The following ZNF84 variants were observed in gnomAD, a reference collection of about 807,000 sequenced individuals.
ZNF84 encodes zinc finger protein HPF2.
Under a neutral mutation model 14.8 loss-of-function variants are expected in ZNF84, and 12 were observed. That is an observed-to-expected ratio of 0.81 (90% CI 0.52 to 1.31). The LOEUF (loss-of-function observed/expected upper bound fraction) is 1.31. Ranked by LOEUF, ZNF84 falls within the 50% of genes most tolerant of loss-of-function variation. The pLI, the probability that ZNF84 is intolerant of heterozygous loss-of-function variation, is 0.00. For synonymous variants in ZNF84, 347 were observed against 291.1 expected, an observed-to-expected ratio of 1.19 and a Z score of -1.96; for missense variants, 859 against 878.6, an observed-to-expected ratio of 0.98 and a Z score of 0.28.
intron 3 of ZNF84, 21 bp downstream of exon 3, chr12:133,048,102 G>A: frequency 6.2e-7 from 1 of 1,608,450 alleles, no homozygotes; most frequent in Non-Finnish European, 8.5e-7. Flanking sequence ...CTTTCTTGAG[G>A]ACCTTGGACT....
At position 133,063,099 on chromosome 12, in the gene ZNF84, C is replaced by T; in HGVS notation, c.*4167C>T. The T allele has an allele frequency of 1.4e-6, 1 of 702,306 alleles. No homozygotes were observed. Among genetic ancestry groups the T allele is most frequent in the Non-Finnish European group, 2.6e-6 (1 of 384,808 alleles). 43.5% of individuals were successfully genotyped at this position (702,306 alleles called of 1,614,324 possible). A position where few individuals can be genotyped will look rare whatever the true frequency, so the allele number is the denominator to read the frequency against. On this transcript the variant is annotated 3_prime_UTR_variant, in exon 5 of 5. Coordinates refer to ENST00000539354, the MANE Select transcript of ZNF84 (RefSeq NM_001289971.2). Reference sequence around the variant, plus strand: ...TGCAGTGAGTGGCTGTTTTCTGCCACATGGAGAAACATGGTCTGCAGTGAG... The same window carrying T: ...TGCAGTGAGTGGCTGTTTTCTGCCATATGGAGAAACATGGTCTGCAGTGAG...
chr12:133,041,081 T>C (rs1240959035), intron 1 of ZNF84, 197 bp from the exon 2 acceptor site: 2 of 227,150 alleles, frequency 8.8e-6, no homozygotes, highest in Non-Finnish European at 8.5e-6. Context: ...ATTTCTGATA[T>C]TTCCTTATCT....
At position 133,058,367 on chromosome 12, in the gene ZNF84, C is replaced by T; in HGVS notation, c.1652C>T (p.Ala551Val). ...KPYECSECGKAFGEKSSLATH... is the reference protein window; with the variant it reads ...KPYECSECGKVFGEKSSLATH... ...TATGAATGCAGTGAATGTGGGAAGG[C>T]CTTTGGTGAGAAGTCAAGTCTTGCA... is the stretch of plus-strand genomic sequence containing the variant. Residue 551 changes from alanine (A) to valine (V), a missense_variant, in exon 5 of 5, where the codon GCC (alanine) becomes GTC (valine). By Grantham distance (64) the Ala-to-Val change is moderately conservative. Coordinates refer to ENST00000539354, the MANE Select transcript of ZNF84 (RefSeq NM_001289971.2). 1 of 1,614,012 alleles carries T rather than the reference C, an allele frequency of 6.2e-7. No homozygotes were observed. Among genetic ancestry groups the T allele is most frequent in the Non-Finnish European group, 8.5e-7 (1 of 1,179,972 alleles).
At position 133,059,020 on chromosome 12, in the gene ZNF84, T is replaced by C; in HGVS notation, c.*88T>C. 2 of 1,266,764 alleles carry C rather than the reference T, an allele frequency of 1.6e-6. No homozygotes were observed. Among genetic ancestry groups the C allele is most frequent in the Non-Finnish European group, 2.2e-6 (2 of 919,302 alleles). 78.5% of individuals were successfully genotyped at this position (1,266,764 alleles called of 1,614,324 possible). Reference sequence around the variant, plus strand: ...ACGTTTGTAGACAGTCACGTCATGTTAGGTGTTTGTACTCCATGAGGATGA... The same window carrying C: ...ACGTTTGTAGACAGTCACGTCATGTCAGGTGTTTGTACTCCATGAGGATGA... On this transcript the variant is annotated 3_prime_UTR_variant, in exon 5 of 5. Transcript: ENST00000539354.
At chr12:133,056,757 C>T (rs1224671851) in intron 4 of ZNF84, among the ~76,000 whole-genome samples, 197 bp from the exon 5 acceptor site, 2 of 152,146 alleles carry the variant, frequency 1.3e-5, no homozygotes, top group South Asian at 2.1e-4. Context: ...ACTTAATCTC[C>T]AGTCAGTTTC....
Position 133,057,339 on chromosome 12 carries a change from A to G in ZNF84, c.624A>G (p.Glu208=), listed in dbSNP as rs1954177530. The change falls in exon 5 of 5, where the codon GAA becomes GAG. Residue 208 remains glutamate, a synonymous_variant. Transcript: ENST00000539354. ...HRNRLGEKLY[E]CSECRKRFSK... The stretch of plus-strand genomic sequence containing the variant: ...ATCGTTTAGGGGAGAAACTCTATGA[A>G]TGCAGTGAATGTAGGAAGCGCTTCA... 6 of 1,613,630 alleles carry G rather than the reference A, an allele frequency of 3.7e-6. No individual in the cohort carries two copies. The highest frequency in any genetic ancestry group is 5.1e-6 in the Non-Finnish European group (6 of 1,179,952).
intron 2 of ZNF84, among the ~76,000 whole-genome samples, chr12:133,043,382 C>T (rs997057103): frequency 7.9e-5 from 12 of 151,890 alleles, no homozygotes; most frequent in Admixed American, 6.6e-4. Context: ...CCAGGCTGGT[C>T]GCGAACTCCT....
Position 133,048,793 on chromosome 12 carries a change from G to T in ZNF84, c.183G>T (p.Glu61Asp). ...VMKPDVIFKL[E>D]QGEEPWVGDG... The stretch of plus-strand genomic sequence containing the variant: ...AACCAGATGTCATCTTCAAATTGGA[G>T]CAAGGAGAAGAGCCGTGGGTAGGAG... Residue 61 changes from glutamate to aspartate, a missense_variant, in exon 4 of 5, where the codon GAG (glutamate) becomes GAT (aspartate). Glu to Asp is a conservative substitution (Grantham distance 45). Coordinates refer to ENST00000539354, the MANE Select transcript of ZNF84 (RefSeq NM_001289971.2). The T allele has an allele frequency of 2.5e-6, 4 of 1,613,830 alleles. No homozygotes were observed. The highest frequency in any genetic ancestry group is 3.4e-6 in the Non-Finnish European group (4 of 1,179,884).
At position 133,059,991 on chromosome 12, in the gene ZNF84, A is replaced by T. The variant is rs1158527612; in HGVS notation, c.*1059A>T. On this transcript the variant is annotated 3_prime_UTR_variant, in exon 5 of 5. Coordinates refer to ENST00000539354, the MANE Select transcript of ZNF84 (RefSeq NM_001289971.2). ...TATGCAAAGGCAGGAACCACAGAAT[A>T]ACCATAGTAATATATAACTGAATGA... The T allele has an allele frequency of 2.0e-5, 3 of 152,246 alleles. No homozygotes were observed. Among genetic ancestry groups the T allele is most frequent in the Non-Finnish European group, 4.4e-5 (3 of 68,040 alleles). The allele number at this position is 152,246 out of a possible 1,614,324, so 9.4% of individuals were successfully genotyped here.
intron 1 of ZNF84, among the ~76,000 whole-genome samples, chr12:133,039,981 T>C (rs1197971395): frequency 1.3e-5 from 2 of 151,970 alleles, no homozygotes; most frequent in African/African-American, 4.8e-5. Context: ...GTAGCTGAGC[T>C]TACAGGTGCA....
intron 1 of ZNF84, among the ~76,000 whole-genome samples, chr12:133,038,182 G>A (rs1332404432): frequency 1.3e-5 from 2 of 151,864 alleles, no homozygotes; most frequent in Non-Finnish European, 2.9e-5. Context: ...GTATGAAATA[G>A]CTACGTTTAT....
At chr12:133,046,347 GTTTTTTTTTTTTTTTTTTTTTTTTT>G (rs58214468) in intron 2 of ZNF84, among the ~76,000 whole-genome samples, 2 of 116,408 alleles carry the variant, frequency 1.7e-5, no homozygotes, top group Non-Finnish European at 3.4e-5. Flanking sequence ...AGTCCTCACA[GTTTTTTTTTTTTTTTTTTTTTTTTT>G]TTTTTTTTTT....
Position 133,061,511 on chromosome 12 carries a change from A to G in ZNF84, c.*2579A>G, listed in dbSNP as rs1490021714. ...TCCTACTTTTTAATATCTCAAATTC[A>G]TTTTACTAGACGTGGGAGACCAACT... On this transcript the variant is annotated 3_prime_UTR_variant, in exon 5 of 5. Transcript: ENST00000539354. The G allele has an allele frequency of 6.6e-6, 1 of 152,142 alleles. No individual in the cohort carries two copies. Among genetic ancestry groups the G allele is most frequent in the Admixed American group, 6.6e-5 (1 of 15,266 alleles). 9.4% of individuals were successfully genotyped at this position (152,142 alleles called of 1,614,324 possible).
chr12:133,055,934 C>G (rs1358124811), intron 4 of ZNF84, among the ~76,000 whole-genome samples: 1 of 151,994 alleles, frequency 6.6e-6, no homozygotes, highest in African/African-American at 2.4e-5. Flanking sequence ...CCCATCTTTA[C>G]AAAATATTAA....
At position 133,037,549 on chromosome 12, in the gene ZNF84, A is replaced by T. The variant is rs939178129; in HGVS notation, c.-191+4A>T. The T allele has an allele frequency of 6.6e-6, 1 of 151,718 alleles. No homozygotes were observed. Among genetic ancestry groups the T allele is most frequent in the Non-Finnish European group, 1.5e-5 (1 of 68,104 alleles). The allele number at this position is 151,718 out of a possible 1,614,324, so 9.4% of individuals were successfully genotyped here. ...CGACTCGGCGGCGGCGTCTTTTGTG[A>T]GTTCAGTGAGTTTATTGCGGGCCCG... On this transcript the variant is annotated splice_donor_region_variant and intron_variant, in intron 1 of 4. Coordinates refer to ENST00000539354, the MANE Select transcript of ZNF84 (RefSeq NM_001289971.2).
At chr12:133,045,377 A>G (rs1231608918) in intron 2 of ZNF84, among the ~76,000 whole-genome samples, 2 of 152,214 alleles carry the variant, frequency 1.3e-5, no homozygotes, top group East Asian at 1.9e-4. Flanking sequence ...AGGTTGAGGC[A>G]GGAGAATTGC....
At position 133,058,046 on chromosome 12, in the gene ZNF84, C is replaced by A; in HGVS notation, c.1331C>A (p.Ser444Ter). 1 of 1,613,910 alleles carries A rather than the reference C, an allele frequency of 6.2e-7. No individual in the cohort carries two copies. Among genetic ancestry groups the A allele is most frequent in the South Asian group, 1.1e-5 (1 of 91,068 alleles). The change falls in exon 5 of 5, where the codon TCA becomes TAA. Residue 444 changes from serine (S) to a stop codon, truncating the protein, a stop_gained. Transcript: ENST00000539354. LOFTEE classifies it low-confidence loss of function (END_TRUNC). ...TGTGGGAAGGCCTTCTCCCAGAAGT[C>A]ACATCTCATATCACATCAGATGACA... ...IQCGKAFSQK[S>*]HLISHQMTHT... is the part of the protein sequence containing the mutation.
chr12:133,050,213 C>T (rs1321997933), intron 4 of ZNF84, among the ~76,000 whole-genome samples: 2 of 152,212 alleles, frequency 1.3e-5, no homozygotes, highest in East Asian at 1.9e-4. Flanking sequence ...CCGACTACTG[C>T]TGTGGGTAGT....
chr12:133,055,369 T>C (rs688759), intron 4 of ZNF84, among the ~76,000 whole-genome samples: 142,316 of 152,168 alleles, frequency 0.94, 66,719 homozygotes, highest in East Asian at 1. Context: ...GATAGAATAG[T>C]TGTTATAAAC....
Sources: gnomAD v4.1 joint callset for allele counts (sites outside exome capture counted in the v4.1 genomes callset) on GRCh38, gnomAD v4.1.1 for gene constraint, MANE v1.5 for transcripts, NCBI Gene and HGNC (gene_info 2026-07-23, HGNC 2026-07-21) for gene names.